The following HAVCR1 variants were observed in gnomAD, a reference collection of about 807,000 sequenced individuals.
HAVCR1 encodes the protein T cell immunoglobin domain and mucin domain protein 1.
HAVCR1 carries 34 observed loss-of-function variants against 32.0 expected under a neutral mutation model. The ratio of observed to expected loss-of-function variants is 1.06; its 90% CI spans 0.81 to 1.42. HAVCR1 has a LOEUF of 1.42. HAVCR1 is among the 40% of genes most tolerant of loss of function. The pLI, the probability that HAVCR1 is intolerant of heterozygous loss-of-function variation, is 0.00. For missense variants in HAVCR1, 420 were observed against 442.3 expected (o/e 0.95, Z 0.45); for synonymous variants, 178 against 170.3 (o/e 1.05, Z -0.35).
At position 157,029,877 on chromosome 5, in the gene HAVCR1, G is replaced by GA. The variant is rs762367309; in HGVS notation, c.987-37dup. On this transcript the variant is annotated intron_variant, in intron 8 of 8. Transcript: ENST00000523175. ...AGTTGTTGAAGAATAACATGAGTAAGAAAAAAAGCAGACCACTTCTCACAT... is the reference window on the plus strand; with the variant it reads ...AGTTGTTGAAGAATAACATGAGTAAGAAAAAAAAGCAGACCACTTCTCACAT... 5.7e-6 allele frequency: 9 copies of GA among 1,582,978 alleles called. No individual in the cohort carries two copies. The African/African-American group carries it at 6.8e-5, about 12-fold the overall frequency.
intron 7 of HAVCR1, among the ~76,000 whole-genome samples, chr5:157,035,781 G>A (rs544499297): frequency 2.0e-5 from 3 of 151,316 alleles, no homozygotes; most frequent in Admixed American, 1.3e-4. Context: ...TCAACCACTC[G>A]CAAATTGAAA....
intron 7 of HAVCR1, among the ~76,000 whole-genome samples, chr5:157,035,237 C>A (rs950857063): frequency 1.3e-5 from 2 of 152,090 alleles, no homozygotes; most frequent in African/African-American, 2.4e-5. Flanking sequence ...AACTTCCCTG[C>A]AAGGTATTTT....
chr5:157,044,496 GA>G (rs1755170840), intron 5 of HAVCR1, among the ~76,000 whole-genome samples: 8 of 96,910 alleles, frequency 8.3e-5, no homozygotes, highest in African/African-American at 3.3e-4. Context: ...AGGAAGGAAG[GA>G]AGGAAGGAAG....
intron 5 of HAVCR1, among the ~76,000 whole-genome samples, chr5:157,044,421 G>GAGAAAGAAAGAAAGAA (rs1209423817): frequency 1.5e-4 from 5 of 33,762 alleles, no homozygotes; most frequent in African/African-American, 3.8e-4. Flanking sequence ...AGGAAGGAAG[G>GAGAAAGAAAGAAAGAA]AGAAAGAAAG....
chr5:157,052,100 G>A (rs1213785620), intron 4 of HAVCR1, among the ~76,000 whole-genome samples: 1 of 152,150 alleles, frequency 6.6e-6, no homozygotes, highest in Admixed American at 6.5e-5. Context: ...TACATCCGTG[G>A]TCCAGCTATT....
Position 157,058,131 on chromosome 5 carries a change from C to G in HAVCR1, c.-12-176G>C, listed in dbSNP as rs1326528096. Reference sequence around the variant, plus strand: ...ACGGCTTCAGAGCTCTGTTAGTTCCCTGCAGCTGAGAGCTCTGTGCCTTCC... The same window carrying G: ...ACGGCTTCAGAGCTCTGTTAGTTCCGTGCAGCTGAGAGCTCTGTGCCTTCC... On this transcript the variant is annotated intron_variant, in intron 1 of 8. Coordinates refer to ENST00000523175, the MANE Select transcript of HAVCR1 (RefSeq NM_001173393.3). 6 of 580,754 alleles carry G rather than the reference C, an allele frequency of 1.0e-5. No homozygotes were observed. The African/African-American group carries it at 1.1e-4, about 11-fold the overall frequency. 36.0% of individuals were successfully genotyped at this position (580,754 alleles called of 1,614,324 possible).
At chr5:157,044,617 G>A (rs12656096) in intron 5 of HAVCR1, among the ~76,000 whole-genome samples, 7,603 of 31,164 alleles carry the variant, frequency 0.24, 947 homozygotes, top group East Asian at 0.37. Context: ...GAAAGAAAGA[G>A]AAAGAAAGAA....
intron 5 of HAVCR1, among the ~76,000 whole-genome samples, chr5:157,048,141 A>G (rs1755518285): frequency 6.6e-6 from 1 of 152,216 alleles, no homozygotes. Flanking sequence ...GAGAATGCTC[A>G]TGTAAATACA....
At chr5:157,058,164 A>G (rs955565852) in intron 1 of HAVCR1, 2 of 524,368 alleles carry the variant, frequency 3.8e-6, no homozygotes, top group East Asian at 3.1e-5. Flanking sequence ...TCCAAAGGAC[A>G]GGGAAAGCTG....
intron 8 of HAVCR1, among the ~76,000 whole-genome samples, chr5:157,032,087 T>C (rs970612183): frequency 1.3e-5 from 2 of 152,122 alleles, no homozygotes; most frequent in African/African-American, 4.8e-5. Context: ...ATGGTGTTTA[T>C]CTGTAAGCAT....
chr5:157,044,420 G>GAA (rs1561589839), intron 5 of HAVCR1, among the ~76,000 whole-genome samples: 1 of 32,290 alleles, frequency 3.1e-5, no homozygotes, highest in African/African-American at 1.9e-4. Context: ...AAGGAAGGAA[G>GAA]GAGAAAGAAA....
In HAVCR1 at chr5:157,052,508, T is replaced by C. The variant is rs1477847230; in HGVS notation, c.526A>G (p.Thr176Ala). ...ACAGTCATTGTCGTCAGAACAGTCG[T>C]TGTCGTTGGAATGCTCATTGTTGTT... ...VPTTMSIPTT[T>A]TVLTTMTVST... Residue 176 changes from threonine to alanine, a missense_variant, in exon 4 of 9, where the codon ACG becomes GCG. Physicochemically the swap from Thr to Ala is moderately conservative, Grantham distance 58 (BLOSUM62 0). Transcript: ENST00000523175. 6.2e-7 allele frequency: 1 copy of C among 1,601,288 alleles called. No homozygotes were observed.
At chr5:157,038,061 G>A (rs1754647205) in intron 6 of HAVCR1, among the ~76,000 whole-genome samples, 1 of 152,018 alleles carries the variant, frequency 6.6e-6, no homozygotes, top group African/African-American at 2.4e-5. Flanking sequence ...TTGATGTGAT[G>A]TTATCTTAAT....
At chr5:157,034,707 G>A (rs1305137477) in intron 7 of HAVCR1, among the ~76,000 whole-genome samples, 2 of 152,026 alleles carry the variant, frequency 1.3e-5, no homozygotes, top group African/African-American at 2.4e-5. Context: ...AGTGCATTTT[G>A]TCCCTGGGTA....
At chr5:157,054,953 C>T (rs149272224) in intron 3 of HAVCR1, among the ~76,000 whole-genome samples, 2 of 152,128 alleles carry the variant, frequency 1.3e-5, no homozygotes, top group African/African-American at 2.4e-5. Flanking sequence ...GTCCTGGAAA[C>T]AATTTCCCAT....
upstream of HAVCR1, among the ~76,000 whole-genome samples, chr5:157,061,597 C>A (rs1756489831): frequency 6.6e-6 from 1 of 151,970 alleles, no homozygotes; most frequent in Non-Finnish European, 1.5e-5. Flanking sequence ...ATCCCAGCTA[C>A]TCAGGAGGCT....
At position 157,056,540 on chromosome 5, in the gene HAVCR1, C is replaced by T. The variant is rs372625373; in HGVS notation, c.47-1007G>A. 3.1e-4 allele frequency among the ~76,000 whole-genome samples: 47 copies of T among 151,958 alleles called. No individual in the cohort carries two copies. The South Asian group carries it at 7.5e-3, about 24-fold the overall frequency. ...GACTACAGGCACACGCCGCCACGCC[C>T]GGCTAATTTTTTTGTATTTTTAGTA... On this transcript the variant is annotated intron_variant, in intron 2 of 8. Transcript: ENST00000523175.
At position 157,047,426 on chromosome 5, in the gene HAVCR1, G is replaced by T. The variant is rs538360920; in HGVS notation, c.781+1612C>A. On this transcript the variant is annotated intron_variant, in intron 5 of 8. Coordinates refer to ENST00000523175, the MANE Select transcript of HAVCR1 (RefSeq NM_001173393.3). ...ATTAGCCGGGCAGGATGACGCATAC[G>T]TGTAATCCCAGCTACTTGGAAAGCT... Among the ~76,000 whole-genome samples, 3 of 152,072 alleles carry T rather than the reference G, an allele frequency of 2.0e-5. No homozygotes were observed. In the South Asian group the frequency reaches 6.2e-4, roughly 32 times the overall value.
chr5:157,038,343 C>T (rs1754663488), intron 6 of HAVCR1, among the ~76,000 whole-genome samples: 2 of 152,078 alleles, frequency 1.3e-5, no homozygotes, highest in South Asian at 4.1e-4. Context: ...AGTTCTAATC[C>T]TAAAGAGAGC....
Sources: allele counts gnomAD v4.1 joint callset (sites outside exome capture counted in the v4.1 genomes callset), GRCh38; gene constraint gnomAD v4.1.1; transcripts MANE v1.5; gene names NCBI Gene and HGNC (gene_info 2026-07-23, HGNC 2026-07-21).